TMEM170A: variants seen among roughly 807,000 people sequenced by gnomAD.
TMEM170A encodes transmembrane protein 170.
A neutral mutation model predicts 12.8 loss-of-function variants in TMEM170A; 18 were observed. The ratio of observed to expected loss-of-function variants is 1.41; its 90% CI spans 0.97 to 2.09. The LOEUF is 2.09. Ranked by LOEUF, TMEM170A falls within the 30% of genes most tolerant of loss-of-function variation. TMEM170A has a pLI of 0.00. For missense variants in TMEM170A, 220 were observed against 179.9 expected (o/e 1.22, Z -1.28); for synonymous variants, 107 against 76.2 (o/e 1.40, Z -2.11).
chr16:75,462,389 A>C (rs558840030), intron 1 of TMEM170A, among the ~76,000 whole-genome samples: 7 of 152,198 alleles, frequency 4.6e-5, no homozygotes, highest in Non-Finnish European at 1.0e-4. Context: ...CTGACTTTTT[A>C]GTAGAGACAA....
intron 1 of TMEM170A, among the ~76,000 whole-genome samples, chr16:75,452,387 C>A (rs1322920744): frequency 6.6e-6 from 1 of 152,218 alleles, no homozygotes; most frequent in Non-Finnish European, 1.5e-5. Flanking sequence ...CCCGCCTCAG[C>A]CTCCGGAGTG....
intron 2 of TMEM170A, among the ~76,000 whole-genome samples, chr16:75,449,215 T>C (rs1371979761): frequency 6.6e-6 from 1 of 152,180 alleles, no homozygotes; most frequent in Non-Finnish European, 1.5e-5. Context: ...AACACTTCTG[T>C]GTTTTATAAG....
intron 1 of TMEM170A, among the ~76,000 whole-genome samples, chr16:75,453,186 C>A (rs1423569331): frequency 6.6e-6 from 1 of 152,194 alleles, no homozygotes; most frequent in Non-Finnish European, 1.5e-5. Context: ...GTAATCCCAA[C>A]ACTTCAGGTG....
Position 75,443,475 on chromosome 16 carries a change from A to C in TMEM170A, c.*4083T>G, listed in dbSNP as rs2079533979. ...TTTCTGCATATGGTCTGCTAATGGC[A>C]CCGATGCTTCACATTCCAGGAAATG... On this transcript the variant is annotated 3_prime_UTR_variant, in exon 3 of 3. Coordinates refer to ENST00000561878, the MANE Select transcript of TMEM170A (RefSeq NM_145254.3). 6.6e-6 allele frequency: 1 copy of C among 152,174 alleles called. No individual in the cohort carries two copies. 9.4% of individuals were successfully genotyped at this position (152,174 alleles called of 1,614,324 possible).
At chr16:75,451,640 T>A in intron 2 of TMEM170A, 29 bp downstream of exon 2, 2 of 1,612,484 alleles carry the variant, frequency 1.2e-6, no homozygotes, top group East Asian at 4.5e-5. Flanking sequence ...ATTAAACATT[T>A]TTGACTGGTA....
intron 1 of TMEM170A, among the ~76,000 whole-genome samples, chr16:75,456,420 G>A (rs1003306597): frequency 6.6e-5 from 10 of 152,032 alleles, no homozygotes; most frequent in East Asian, 1.9e-4. Context: ...AAACCGTCTC[G>A]ACCAAAAAAT....
chr16:75,464,054 G>C (rs968028611), intron 1 of TMEM170A, among the ~76,000 whole-genome samples: 6 of 152,204 alleles, frequency 3.9e-5, no homozygotes, highest in Non-Finnish European at 7.4e-5. Context: ...ACTCCTCAGC[G>C]CGGCCGGGCC....
chr16:75,461,207 C>A (rs572788701), intron 1 of TMEM170A, among the ~76,000 whole-genome samples: 1 of 151,518 alleles, frequency 6.6e-6, no homozygotes, highest in Non-Finnish European at 1.5e-5. Context: ...GCATGCACCA[C>A]CACGCCCCGC....
chr16:75,455,727 C>T (rs181268123), intron 1 of TMEM170A, among the ~76,000 whole-genome samples: 108 of 152,236 alleles, frequency 7.1e-4, no homozygotes, highest in Middle Eastern at 6.8e-3. Flanking sequence ...ATCGCTTGAA[C>T]CCAGGAGGCA....
At chr16:75,463,938 G>A (rs916808576) in intron 1 of TMEM170A, among the ~76,000 whole-genome samples, 1 of 152,270 alleles carries the variant, frequency 6.6e-6, no homozygotes, top group Non-Finnish European at 1.5e-5. Context: ...AAGCGGAGCG[G>A]GTCTCGGAGG....
chr16:75,464,055 C>CCG (rs1555574349), intron 1 of TMEM170A, among the ~76,000 whole-genome samples: 2 of 152,224 alleles, frequency 1.3e-5, no homozygotes, highest in African/African-American at 2.4e-5. Context: ...CTCCTCAGCG[C>CCG]GGCCGGGCCG....
chr16:75,457,440 T>C (rs1195458681), intron 1 of TMEM170A, among the ~76,000 whole-genome samples: 3 of 151,806 alleles, frequency 2.0e-5, no homozygotes, highest in Non-Finnish European at 4.4e-5. Context: ...TCTTGATACC[T>C]CTCTCTCTCT....
intron 1 of TMEM170A, among the ~76,000 whole-genome samples, chr16:75,462,060 C>A (rs935918946): frequency 1.3e-5 from 2 of 152,142 alleles, no homozygotes; most frequent in Non-Finnish European, 2.9e-5. Context: ...GATGCAGGAA[C>A]CCTTACAGTA....
At position 75,451,829 on chromosome 16, in the gene TMEM170A, A is replaced by G; in HGVS notation, c.144T>C (p.Tyr48=). 6.2e-7 allele frequency: 1 copy of G among 1,612,092 alleles called. No homozygotes were observed. The highest frequency in any genetic ancestry group is 8.5e-7 in the Non-Finnish European group (1 of 1,178,908). ...ACACCAGTGCCCACAGGAATACACC[A>G]TACCACATCTCTATGAGGGAAGACA... ...TSLCSFPEMW[Y]GVFLWALVSS... is the part of the protein sequence containing the mutation. The change falls in exon 2 of 3, where the codon TAT becomes TAC. Residue 48 remains tyrosine (Y), a synonymous_variant. Coordinates refer to ENST00000561878, the MANE Select transcript of TMEM170A (RefSeq NM_145254.3).
intron 1 of TMEM170A, among the ~76,000 whole-genome samples, chr16:75,464,029 G>A (rs1467359732): frequency 6.6e-6 from 1 of 152,180 alleles, no homozygotes; most frequent in African/African-American, 2.4e-5. Context: ...CGGGGCAAGG[G>A]GAGCGCGAGC....
chr16:75,455,221 G>A (rs1170149017), intron 1 of TMEM170A, among the ~76,000 whole-genome samples: 3 of 152,064 alleles, frequency 2.0e-5, no homozygotes, highest in Non-Finnish European at 2.9e-5. Flanking sequence ...GCTGGGCAAG[G>A]CAGCGGGCAC....
At chr16:75,464,322 G>T in intron 1 of TMEM170A, 146 bp downstream of exon 1, 1 of 1,446,724 alleles carries the variant, frequency 6.9e-7, no homozygotes, top group East Asian at 3.0e-5. Flanking sequence ...GGGGCTCCGG[G>T]CGAGCAGCAC....
chr16:75,464,263 G>A (rs1276826642), intron 1 of TMEM170A: 1 of 1,496,476 alleles, frequency 6.7e-7, no homozygotes, highest in Non-Finnish European at 8.9e-7. Flanking sequence ...CACGCCCAGC[G>A]GGACTCCGGG....
Position 75,447,621 on chromosome 16 carries a change from C to A in TMEM170A, c.372G>T (p.Leu124=), listed in dbSNP as rs890069321. The change falls in exon 3 of 3, where the codon CTG becomes CTT. Residue 124 remains leucine (L), a synonymous_variant. Coordinates refer to ENST00000561878, the MANE Select transcript of TMEM170A (RefSeq NM_145254.3). ...AGACGCAAAATGTCTGTCCAGTGCC[C>A]AGTGTGAGGGCTTCAAATGGTATCA... ...KEMIPFEALT[L]GTGQTFCVLV... 78 of 1,612,316 alleles carry A rather than the reference C, an allele frequency of 4.8e-5. No individual in the cohort carries two copies. The highest frequency in any genetic ancestry group is 6.5e-5 in the Non-Finnish European group (77 of 1,179,400).
Sources: gnomAD v4.1 joint callset for allele counts (sites outside exome capture counted in the v4.1 genomes callset) on GRCh38, gnomAD v4.1.1 for gene constraint, MANE v1.5 for transcripts, NCBI Gene and HGNC (gene_info 2026-07-23, HGNC 2026-07-21) for gene names.